Variants in GDF2 observed in about 807,000 individuals in gnomAD.
GDF2 encodes the protein growth differentiation factor 2, also known as growth/differentiation factor 2.
In GDF2, 17 loss-of-function variants were observed where a neutral mutation model predicts 16.9. The observed-to-expected ratio is 1.00, with a 90% CI of 0.69 to 1.51. The LOEUF (loss-of-function observed/expected upper bound fraction) is 1.51. GDF2 is among the 40% of genes most tolerant of loss of function. The pLI, the probability that GDF2 is intolerant of heterozygous loss-of-function variation, is 0.00. For synonymous variants in GDF2, 276 were observed against 237.6 expected (o/e 1.16, Z -1.49); for missense variants, 523 against 556.3 (o/e 0.94, Z 0.60).
chr10:47,324,989 C>T lies in GDF2; in HGVS notation c.495C>T (p.Asp165=), dbSNP rs1438975466. The change falls in exon 2 of 2, where the codon GAC becomes GAT. Residue 165 remains aspartate, a synonymous_variant. Transcript: ENST00000581492. The part of the protein sequence containing the change: ...SCQNHVDPSH[D]LKGSVVIYDV... The stretch of plus-strand genomic sequence containing the variant: ...AAAATCACGTGGACCCCTCTCATGA[C>T]CTGAAAGGAAGCGTGGTCATTTATG... 3 of 1,614,144 alleles carry T rather than the reference C, an allele frequency of 1.9e-6. No homozygotes were observed. The highest frequency in any genetic ancestry group is 2.2e-5 in the East Asian group (1 of 44,872).
Position 47,325,369 on chromosome 10 carries a change from C to T in GDF2, c.875C>T (p.Ser292Phe). ...CTCAAGAAGCTGTCCAAGGACGGCT[C>T]CACAGAGGCAGGTGAGAGCAGTCAC... ...SVLKKLSKDG[S>F]TEAGESSHEE... The change falls in exon 2 of 2, where the codon TCC becomes TTC. Residue 292 changes from serine (S) to phenylalanine (F), a missense_variant. Ser to Phe is a radical substitution (Grantham distance 155, BLOSUM62 -2). Transcript: ENST00000581492. 6.2e-7 allele frequency: 1 copy of T among 1,614,136 alleles called. No homozygotes were observed. Among genetic ancestry groups the T allele is most frequent in the African/African-American group, 1.3e-5 (1 of 75,034 alleles).
Position 47,326,149 on chromosome 10 carries a change from G to A in GDF2, c.*365G>A. ...ACTGATGGAAGTTAGAGAGGTGGAGGAGGCCAGCTCGCTCCAAAACCCTTG... is the reference window on the plus strand; with the variant it reads ...ACTGATGGAAGTTAGAGAGGTGGAGAAGGCCAGCTCGCTCCAAAACCCTTG... On this transcript the variant is annotated 3_prime_UTR_variant, in exon 2 of 2. Transcript: ENST00000581492. 1 of 195,488 alleles carries A rather than the reference G, an allele frequency of 5.1e-6. No individual in the cohort carries two copies. The highest frequency in any genetic ancestry group is 5.3e-5 in the Admixed American group (1 of 18,772). 12.1% of individuals were successfully genotyped at this position (195,488 alleles called of 1,614,324 possible). A position where few individuals can be genotyped will look rare whatever the true frequency, so the allele number is the denominator to read the frequency against.
chr10:47,323,914 C>T (rs1304470773), intron 1 of GDF2, among the ~76,000 whole-genome samples: 3 of 152,242 alleles, frequency 2.0e-5, no homozygotes, highest in African/African-American at 4.8e-5. Flanking sequence ...GGCCTGGCTC[C>T]ATACCACGCC....
At position 47,327,182 on chromosome 10, in the gene GDF2, C is replaced by T. The variant is rs1490363382; in HGVS notation, c.*1398C>T. ...TGTTTCACCCTCTCCTCTGTCTCTC[C>T]AGGCCACACATGGAACGGGGCGGTA... On this transcript the variant is annotated 3_prime_UTR_variant, in exon 2 of 2. Transcript: ENST00000581492. Among the ~76,000 whole-genome samples the T allele has an allele frequency of 6.6e-6, 1 of 152,176 alleles. No homozygotes were observed. Among genetic ancestry groups the T allele is most frequent in the Non-Finnish European group, 1.5e-5 (1 of 68,034 alleles).
intron 1 of GDF2, among the ~76,000 whole-genome samples, chr10:47,323,586 G>T (rs1398937716): frequency 6.6e-6 from 1 of 152,182 alleles, no homozygotes; most frequent in African/African-American, 2.4e-5. Context: ...GAACCTAATT[G>T]TTTTTAAATA....
At chr10:47,324,716 A>C in intron 1 of GDF2, 125 bp from the exon 2 acceptor site, 1 of 638,424 alleles carries the variant, frequency 1.6e-6, no homozygotes, top group Middle Eastern at 4.0e-4. Context: ...GGTGAAACCA[A>C]ATAGAGATAA....
intron 1 of GDF2, among the ~76,000 whole-genome samples, chr10:47,323,929 C>A (rs761252749): frequency 5.4e-4 from 82 of 152,372 alleles, no homozygotes; most frequent in Non-Finnish European, 8.7e-4. Context: ...CACGCCCAGG[C>A]CAGACCTAAC....
rs1260791067 is a variant in GDF2, at chr10:47,327,366, A to C, written c.*1582A>C. 6.6e-6 allele frequency among the ~76,000 whole-genome samples: 1 copy of C among 152,224 alleles called. No individual in the cohort carries two copies. The highest frequency in any genetic ancestry group is 1.5e-5 in the Non-Finnish European group (1 of 68,050). ...TGGGGGGTGGGGAAAACGTTATGTTAAATGTTTACATGGAACCAATGAACA... is the reference window on the plus strand; with the variant it reads ...TGGGGGGTGGGGAAAACGTTATGTTCAATGTTTACATGGAACCAATGAACA... On this transcript the variant is annotated 3_prime_UTR_variant, in exon 2 of 2. Coordinates refer to ENST00000581492, the MANE Select transcript of GDF2 (RefSeq NM_016204.4).
Position 47,322,712 on chromosome 10 carries a change from T to C in GDF2, c.44T>C (p.Leu15Pro). ...TGGGTGGCCCTGCCCCTGCTGTCCC[T>C]GCTGGCTGGCTCCCTACAGGGGAAG... Reference protein sequence around the residue: ...ALWVALPLLSLLAGSLQGKPL... With the variant: ...ALWVALPLLSPLAGSLQGKPL... Residue 15 changes from leucine to proline, a missense_variant, in exon 1 of 2, where the codon CTG becomes CCG. Transcript: ENST00000581492. The C allele has an allele frequency of 1.3e-6, 2 of 1,594,216 alleles. No individual in the cohort carries two copies. The highest frequency in any genetic ancestry group is 1.7e-6 in the Non-Finnish European group (2 of 1,166,708).
Position 47,325,669 on chromosome 10 carries a change from GC to G in GDF2, c.1176del (p.Cys393ValfsTer6). ...TTCCCCACAAAGGTGGGCAAGGCCT[GC>G]TGTGTGCCCACCAAACTGAGCCCCA... ...LKFPTKVGKA[C>X]CVPTKLSPIS... On this transcript the variant is annotated frameshift_variant, in exon 2 of 2. Transcript: ENST00000581492. LOFTEE classifies it high-confidence loss of function. 1 of 1,611,406 alleles carries G rather than the reference GC, an allele frequency of 6.2e-7. No individual in the cohort carries two copies. Among genetic ancestry groups the G allele is most frequent in the Non-Finnish European group, 8.5e-7 (1 of 1,178,118 alleles).
rs2061105337 is a variant in GDF2 at position 47,325,912 on chromosome 10, C to A, written c.*128C>A. On this transcript the variant is annotated 3_prime_UTR_variant, in exon 2 of 2. Coordinates refer to ENST00000581492, the MANE Select transcript of GDF2 (RefSeq NM_016204.4). ...TGGAGGAGGAAAGGGAGCCTGCTCT[C>A]CCTCCCCACACCCCACCCAAAGCAT... 1.5e-6 allele frequency: 1 copy of A among 672,866 alleles called. No individual in the cohort carries two copies. The highest frequency in any genetic ancestry group is 2.4e-6 in the Non-Finnish European group (1 of 413,262). 41.7% of individuals were successfully genotyped at this position (672,866 alleles called of 1,614,324 possible). A position where few individuals can be genotyped will look rare whatever the true frequency, so the allele number is the denominator to read the frequency against.
chr10:47,327,001 G>A lies in GDF2; in HGVS notation c.*1217G>A, dbSNP rs530691909. 4.6e-5 allele frequency among the ~76,000 whole-genome samples: 7 copies of A among 152,324 alleles called. No homozygotes were observed. Among genetic ancestry groups the A allele is most frequent in the South Asian group, 2.1e-4 (1 of 4,828 alleles). On this transcript the variant is annotated 3_prime_UTR_variant, in exon 2 of 2. Transcript: ENST00000581492. The stretch of plus-strand genomic sequence containing the variant: ...TCCTGGGCGAGGCCTCTCCAGCCTC[G>A]GAAGAGCTGCAGTCCTTATCGGCTA...
chr10:47,323,192 G>A (rs1293628959), intron 1 of GDF2, among the ~76,000 whole-genome samples, 178 bp downstream of exon 1: 1 of 152,182 alleles, frequency 6.6e-6, no homozygotes, highest in Non-Finnish European at 1.5e-5. Context: ...TCAAATGCGT[G>A]GCTAATGGCT....
rs1003261183 is a variant in GDF2 at position 47,322,824 on chromosome 10, C to T, written c.156C>T (p.Thr52=). The part of the protein sequence containing the change: ...GVPGGGLPEH[T]FNLKMFLENV... ...CTGGAGGTGGGCTGCCTGAGCACACCTTCAACCTGAAGATGTTTCTGGAGA... is the reference window on the plus strand; with the variant it reads ...CTGGAGGTGGGCTGCCTGAGCACACTTTCAACCTGAAGATGTTTCTGGAGA... Residue 52 remains threonine (T), a synonymous_variant, in exon 1 of 2, where the codon ACC becomes ACT. Transcript: ENST00000581492. The T allele has an allele frequency of 1.9e-6, 3 of 1,613,930 alleles. No homozygotes were observed. The highest frequency in any genetic ancestry group is 1.7e-6 in the Non-Finnish European group (2 of 1,179,990).
chr10:47,323,758 T>C (rs781895031), intron 1 of GDF2, among the ~76,000 whole-genome samples: 3 of 152,224 alleles, frequency 2.0e-5, no homozygotes, highest in Non-Finnish European at 4.4e-5. Context: ...CCATGTCACC[T>C]AGGAAGTGTT....
Position 47,323,038 on chromosome 10 carries a change from C to A in GDF2, c.346+24C>A, listed in dbSNP as rs144532369. The stretch of plus-strand genomic sequence containing the variant: ...AGGTAGGGTCTCCGCTTGCACCATG[C>A]GCGCTGGGGTGGGACTCACAGGTCC... On this transcript the variant is annotated intron_variant, in intron 1 of 1. Transcript: ENST00000581492. 183 of 1,535,230 alleles carry A rather than the reference C, an allele frequency of 1.2e-4. No individual in the cohort carries two copies. In the African/African-American group the frequency reaches 2.0e-3, roughly 17 times the overall value.
rs918975309 is a variant in GDF2, at chr10:47,326,678, G to A, written c.*894G>A. ...TGACCCCCTGGTGCAGTGCTCCCACGGCCAGTGGTGCACACAGGGCCATTC... is the reference window on the plus strand; with the variant it reads ...TGACCCCCTGGTGCAGTGCTCCCACAGCCAGTGGTGCACACAGGGCCATTC... On this transcript the variant is annotated 3_prime_UTR_variant, in exon 2 of 2. Coordinates refer to ENST00000581492, the MANE Select transcript of GDF2 (RefSeq NM_016204.4). Among the ~76,000 whole-genome samples the A allele has an allele frequency of 9.2e-5, 14 of 152,214 alleles. No individual in the cohort carries two copies. Among genetic ancestry groups the A allele is most frequent in the Non-Finnish European group, 1.8e-4 (12 of 68,016 alleles).
chr10:47,325,037 C>G lies in GDF2; in HGVS notation c.543C>G (p.Ala181=). The G allele has an allele frequency of 6.2e-7, 1 of 1,614,064 alleles. No homozygotes were observed. The highest frequency in any genetic ancestry group is 8.5e-7 in the Non-Finnish European group (1 of 1,180,010). ...ATGATGTTCTGGATGGAACAGATGC[C>G]TGGGATAGTGCTACAGAGACCAAGA... is the stretch of plus-strand genomic sequence containing the variant. ...VIYDVLDGTD[A]WDSATETKTF... The change falls in exon 2 of 2, where the codon GCC becomes GCG. Residue 181 remains alanine, a synonymous_variant. Coordinates refer to ENST00000581492, the MANE Select transcript of GDF2 (RefSeq NM_016204.4).
rs1206697260 is a variant in GDF2, at chr10:47,327,297, G to A, written c.*1513G>A. On this transcript the variant is annotated 3_prime_UTR_variant, in exon 2 of 2. Coordinates refer to ENST00000581492, the MANE Select transcript of GDF2 (RefSeq NM_016204.4). ...GCCTAGGGGAGGCTTAGAGAGGCCA[G>A]GGCCTCTCCCCGTGGTTGAAGCTCC... Among the ~76,000 whole-genome samples, 2 of 152,154 alleles carry A rather than the reference G, an allele frequency of 1.3e-5. No individual in the cohort carries two copies. The highest frequency in any genetic ancestry group is 2.1e-4 in the South Asian group (1 of 4,824).
Sources: gnomAD v4.1 joint callset for allele counts (sites outside exome capture counted in the v4.1 genomes callset) on GRCh38, gnomAD v4.1.1 for gene constraint, MANE v1.5 for transcripts, NCBI Gene and HGNC (gene_info 2026-07-23, HGNC 2026-07-21) for gene names.